Variants in LGR5 observed in about 807,000 individuals in gnomAD.
LGR5 encodes the protein leucine rich repeat containing G protein-coupled receptor 5.
A neutral mutation model predicts 76.7 loss-of-function variants in LGR5; 54 were observed. The observed-to-expected ratio is 0.70, with a 90% CI of 0.57 to 0.88. The LOEUF (loss-of-function observed/expected upper bound fraction) is 0.88, where lower values mean the gene tolerates loss of function less well. Among genes scored for constraint, LGR5 ranks in the 40% least tolerant of loss-of-function variants. LGR5 has a pLI of 0.00. For synonymous variants in LGR5, 406 were observed against 421.9 expected (o/e 0.96, Z 0.46); for missense variants, 1,078 against 1,073.3 (o/e 1.00, Z -0.06).
At chr12:71,457,813 G>A (rs1872545912) in intron 1 of LGR5, among the ~76,000 whole-genome samples, 1 of 152,158 alleles carries the variant, frequency 6.6e-6, no homozygotes, top group Admixed American at 6.5e-5. Context: ...GCAGTTGCCT[G>A]TGTTTATTTG....
intron 11 of LGR5, 194 bp from the exon 12 acceptor site, chr12:71,571,320 C>T: frequency 2.3e-6 from 1 of 439,674 alleles, no homozygotes; most frequent in Non-Finnish European, 4.0e-6. Flanking sequence ...ATAACAGTTA[C>T]ATTTCAGTAA....
intron 1 of LGR5, among the ~76,000 whole-genome samples, chr12:71,443,396 G>A (rs181017129): frequency 8.5e-5 from 13 of 152,182 alleles, no homozygotes; most frequent in East Asian, 5.8e-4. Context: ...CCAATAAACC[G>A]AGTGAAAACG....
chr12:71,481,689 C>T (rs981467864), intron 1 of LGR5, among the ~76,000 whole-genome samples: 5 of 152,016 alleles, frequency 3.3e-5, no homozygotes, highest in African/African-American at 4.8e-5. Context: ...CAGGGTCACA[C>T]GATGTTAACT....
chr12:71,573,535 T>A (rs560577746), intron 13 of LGR5, among the ~76,000 whole-genome samples: 30 of 151,864 alleles, frequency 2.0e-4, no homozygotes, highest in Non-Finnish European at 3.4e-4. Context: ...TTAAATTTTT[T>A]TAAAAAACTT....
In LGR5 at chr12:71,552,979, CTT is replaced by C. The variant is rs1023167141; in HGVS notation, c.429-93_429-92del. 29 of 1,137,294 alleles carry C rather than the reference CTT, an allele frequency of 2.5e-5. No homozygotes were observed. In the Admixed American group the frequency reaches 4.6e-4, roughly 18 times the overall value. The allele number at this position is 1,137,294 out of a possible 1,614,324, so 70.5% of individuals were successfully genotyped here. On this transcript the variant is annotated intron_variant, in intron 4 of 17. Coordinates refer to ENST00000266674, the MANE Select transcript of LGR5 (RefSeq NM_003667.4). Reference sequence around the variant, plus strand: ...CGGGGACCCCAGGCCCTGTTCCACTCTTGTTCATCATGCATGGGGAGGGTTTT... The same window carrying C: ...CGGGGACCCCAGGCCCTGTTCCACTCGTTCATCATGCATGGGGAGGGTTTT...
chr12:71,486,006 C>T (rs1444079248), intron 1 of LGR5, among the ~76,000 whole-genome samples: 1 of 152,092 alleles, frequency 6.6e-6, no homozygotes, highest in Admixed American at 6.5e-5. Flanking sequence ...CCTTGTGATC[C>T]GTCCACTTTG....
chr12:71,569,031 C>G (rs1878478786), intron 11 of LGR5, among the ~76,000 whole-genome samples: 1 of 152,094 alleles, frequency 6.6e-6, no homozygotes, highest in South Asian at 2.1e-4. Context: ...AACATGGTAC[C>G]TTTATATAAG....
In LGR5 at chr12:71,566,916, CG is replaced by C. The variant is rs747669913; in HGVS notation, c.1070+5del. The C allele has an allele frequency of 6.2e-7, 1 of 1,604,984 alleles. No homozygotes were observed. Among genetic ancestry groups the C allele is most frequent in the Non-Finnish European group, 8.5e-7 (1 of 1,171,726 alleles). ...AGTTACCTAATCTCCAAGTGCTGTG[CG>C]TATCAGTAAGGCAATAATGTTGTGT... On this transcript the variant is annotated splice_donor_5th_base_variant and intron_variant, in intron 11 of 17. Coordinates refer to ENST00000266674, the MANE Select transcript of LGR5 (RefSeq NM_003667.4).
chr12:71,574,208 C>T (rs568308705), intron 13 of LGR5, among the ~76,000 whole-genome samples: 26 of 139,188 alleles, frequency 1.9e-4, no homozygotes, highest in African/African-American at 6.9e-4. Context: ...GAGGCTGAGG[C>T]AGGAGAATTG....
chr12:71,580,248 G>T, intron 15 of LGR5, 30 bp from the exon 16 acceptor site: 1 of 1,574,666 alleles, frequency 6.4e-7, no homozygotes, highest in Non-Finnish European at 8.6e-7. Context: ...TTCTTTAAGT[G>T]TTTTTTGTTT....
intron 1 of LGR5, among the ~76,000 whole-genome samples, chr12:71,482,356 G>A (rs1443323464): frequency 1.3e-5 from 2 of 152,076 alleles, no homozygotes; most frequent in African/African-American, 4.8e-5. Context: ...GTGTTGGCAG[G>A]GTTAGTTTCC....
At position 71,458,437 on chromosome 12, in the gene LGR5, A is replaced by G. The variant is rs116640776; in HGVS notation, c.212+18145A>G. 6.6e-3 allele frequency among the ~76,000 whole-genome samples: 1,002 copies of G among 152,304 alleles called. 8 individuals carry two copies. Among genetic ancestry groups the G allele is most frequent in the African/African-American group, 0.022 (929 of 41,568 alleles). ...TTTAAAGACCAATATTCTACCTTACATTTAAAATTACTTAAAATAATTGGA... is the reference window on the plus strand; with the variant it reads ...TTTAAAGACCAATATTCTACCTTACGTTTAAAATTACTTAAAATAATTGGA... On this transcript the variant is annotated intron_variant, in intron 1 of 17. Transcript: ENST00000266674.
chr12:71,581,680 T>A (rs901709880), intron 16 of LGR5, among the ~76,000 whole-genome samples: 2 of 152,216 alleles, frequency 1.3e-5, no homozygotes, highest in African/African-American at 4.8e-5. Flanking sequence ...TCTCCAAAAT[T>A]ATTCACTCAA....
intron 1 of LGR5, among the ~76,000 whole-genome samples, chr12:71,499,669 T>C (rs1165612475): frequency 6.6e-6 from 1 of 152,160 alleles, no homozygotes; most frequent in East Asian, 1.9e-4. Flanking sequence ...TCATGGGGTC[T>C]AAACTCTAGA....
rs1873901747 is a variant in LGR5 at position 71,487,860 on chromosome 12, GAAGGTTTTCTATGCGT to G, written c.213-16749_213-16734del. On this transcript the variant is annotated intron_variant, in intron 1 of 17. Coordinates refer to ENST00000266674, the MANE Select transcript of LGR5 (RefSeq NM_003667.4). ...CTCCCTAGATTGAACCCAATTCTGT[GAAGGTTTTCTATGCGT>G]AAGGATAAATTAGCAGTAATAAAAT... Among the ~76,000 whole-genome samples the G allele has an allele frequency of 2.6e-5, 4 of 152,330 alleles. No homozygotes were observed. In the South Asian group the frequency reaches 8.3e-4, roughly 32 times the overall value.
chr12:71,583,854 GTGTGGA>G lies in LGR5; in HGVS notation c.1847_1852del (p.Val616_Asp617del). 1 of 1,614,160 alleles carries G rather than the reference GTGTGGA, an allele frequency of 6.2e-7. No individual in the cohort carries two copies. The highest frequency in any genetic ancestry group is 1.1e-5 in the South Asian group (1 of 91,082). On this transcript the variant is annotated inframe_deletion, in exon 18 of 18. Coordinates refer to ENST00000266674, the MANE Select transcript of LGR5 (RefSeq NM_003667.4). Reference sequence around the variant, plus strand: ...GGAGTCTCCAGTGCCGTGCTGGCTGGTGTGGATGCGTTCACTTTTGGCAGCTTTGCA... The same window carrying G: ...GGAGTCTCCAGTGCCGTGCTGGCTGGTGCGTTCACTTTTGGCAGCTTTGCA...
intron 3 of LGR5, 47 bp downstream of exon 3, chr12:71,524,524 A>G: frequency 7.8e-7 from 1 of 1,286,400 alleles, no homozygotes; most frequent in Non-Finnish European, 1.1e-6. Flanking sequence ...TTTAGTGTCA[A>G]ATGGCTGCTA....
Position 71,439,993 on chromosome 12 carries a change from C to G in LGR5, c.-88C>G, listed in dbSNP as rs1035596936. On this transcript the variant is annotated 5_prime_UTR_variant, in exon 1 of 18. Coordinates refer to ENST00000266674, the MANE Select transcript of LGR5 (RefSeq NM_003667.4). Reference sequence around the variant, plus strand: ...ACGCCCGCTGAGTTGCAGAAGCCCACGGAGCGGCGCCCGGCGCGCCACGGC... The same window carrying G: ...ACGCCCGCTGAGTTGCAGAAGCCCAGGGAGCGGCGCCCGGCGCGCCACGGC... 3 of 1,306,010 alleles carry G rather than the reference C, an allele frequency of 2.3e-6. No homozygotes were observed. In the African/African-American group the frequency reaches 4.5e-5, roughly 19 times the overall value. 80.9% of individuals were successfully genotyped at this position (1,306,010 alleles called of 1,614,324 possible).
Position 71,466,114 on chromosome 12 carries a change from C to T in LGR5, c.212+25822C>T, listed in dbSNP as rs114417251. ...GTGCCTTTATGTAGACATAGAAAGT[C>T]ATGAATTACACCATCTAGACAAACT... is the stretch of plus-strand genomic sequence containing the variant. On this transcript the variant is annotated intron_variant, in intron 1 of 17. Coordinates refer to ENST00000266674, the MANE Select transcript of LGR5 (RefSeq NM_003667.4). Among the ~76,000 whole-genome samples, 1,491 of 152,306 alleles carry T rather than the reference C, an allele frequency of 9.8e-3. 35 individuals carry two copies. The highest frequency in any genetic ancestry group is 0.034 in the African/African-American group (1,400 of 41,550).
Sources: allele counts gnomAD v4.1 joint callset (sites outside exome capture counted in the v4.1 genomes callset), GRCh38; gene constraint gnomAD v4.1.1; transcripts MANE v1.5; gene names NCBI Gene and HGNC (gene_info 2026-07-23, HGNC 2026-07-21).